Variants in THADA observed in about 807,000 individuals in gnomAD.
THADA encodes the protein THADA armadillo repeat containing.
THADA carries 213 observed loss-of-function variants against 219.8 expected under a neutral mutation model. That is an observed-to-expected ratio of 0.97 (90% CI 0.87 to 1.09). The LOEUF (loss-of-function observed/expected upper bound fraction) is 1.09, where lower values mean the gene tolerates loss of function less well. THADA is among the 50% of genes least tolerant of loss of function. The pLI is 0.00. For missense variants in THADA, 2,956 were observed against 2,311.3 expected, an observed-to-expected ratio of 1.28 and a Z score of -5.72; for synonymous variants, 1,018 against 828.9, an observed-to-expected ratio of 1.23 and a Z score of -3.92.
chr2:43,465,039 A>G (rs1684072735), intron 26 of THADA, among the ~76,000 whole-genome samples: 1 of 152,122 alleles, frequency 6.6e-6, no homozygotes, highest in African/African-American at 2.4e-5. Flanking sequence ...CCCTTAACAT[A>G]TTATAATTTC....
chr2:43,582,019 AG>A (rs1407269458), intron 7 of THADA, 91 bp from the exon 8 acceptor site: 6 of 912,844 alleles, frequency 6.6e-6, no homozygotes, highest in Non-Finnish European at 9.4e-6. Flanking sequence ...CATTCCTCAA[AG>A]GCCCAAAATC....
rs541411462 is a variant in THADA, at chr2:43,368,577, T to G, written c.4228-24340A>C. 2.5e-4 allele frequency among the ~76,000 whole-genome samples: 38 copies of G among 152,046 alleles called. No homozygotes were observed. In the South Asian group the frequency reaches 6.7e-3, roughly 27 times the overall value. Reference sequence around the variant, plus strand: ...CACCATGTCCGGCTATTTTTTTTTTTTGTGGAGACAGGGTCTCACTATGTT... The same window carrying G: ...CACCATGTCCGGCTATTTTTTTTTTGTGTGGAGACAGGGTCTCACTATGTT... On this transcript the variant is annotated intron_variant, in intron 29 of 37. Coordinates refer to ENST00000405975, the MANE Select transcript of THADA (RefSeq NM_022065.5).
In THADA at chr2:43,574,439, T is replaced by A. The variant is rs903828807; in HGVS notation, c.1626A>T (p.Lys542Asn). ...FILCEGNLDQ[K>N]SYVIDYYLPK... ...GCAAGTAATAATCAATCACGTAAGA[T>A]TTTTGATCCAAGTTTCCTTCACACA... Residue 542 changes from lysine to asparagine, a missense_variant, in exon 11 of 38, where the codon AAA becomes AAT. By Grantham distance (94) the Lys-to-Asn change is moderately conservative. Transcript: ENST00000405975. 1 of 1,612,580 alleles carries A rather than the reference T, an allele frequency of 6.2e-7. No individual in the cohort carries two copies. Among genetic ancestry groups the A allele is most frequent in the African/African-American group, 1.3e-5 (1 of 74,936 alleles).
In THADA at chr2:43,498,864, G is replaced by A; in HGVS notation, c.3713C>T (p.Ala1238Val). 6.2e-7 allele frequency: 1 copy of A among 1,612,674 alleles called. No individual in the cohort carries two copies. The highest frequency in any genetic ancestry group is 8.5e-7 in the Non-Finnish European group (1 of 1,179,434). Residue 1238 changes from alanine to valine, a missense_variant, in exon 25 of 38, where the codon GCA becomes GTA. Ala to Val is a moderately conservative substitution (Grantham distance 64, BLOSUM62 0). Coordinates refer to ENST00000405975, the MANE Select transcript of THADA (RefSeq NM_022065.5). ...IPYVADGAKA[A>V]ILGFTSPVWA... is the part of the protein sequence containing the mutation. ...GACCGGTGATGTAAAACCCAGAATTGCAGCCTTAGCTCCATCAGCAACATA... is the reference window on the plus strand; with the variant it reads ...GACCGGTGATGTAAAACCCAGAATTACAGCCTTAGCTCCATCAGCAACATA...
At chr2:43,296,018 C>G (rs930180632) in intron 31 of THADA, among the ~76,000 whole-genome samples, 1 of 150,358 alleles carries the variant, frequency 6.7e-6, no homozygotes, top group Non-Finnish European at 1.5e-5. Context: ...CTCCAGGGTT[C>G]AAGTGATTCT....
chr2:43,450,297 A>G (rs1682148023), intron 26 of THADA, among the ~76,000 whole-genome samples: 1 of 152,216 alleles, frequency 6.6e-6, no homozygotes, highest in East Asian at 1.9e-4. Context: ...AAATAAAACA[A>G]CTACTAATGT....
At chr2:43,389,731 T>C (rs750670309) in intron 29 of THADA, among the ~76,000 whole-genome samples, 3 of 152,150 alleles carry the variant, frequency 2.0e-5, no homozygotes, top group Non-Finnish European at 4.4e-5. Context: ...GCTCATACCA[T>C]GTCCCTTGCC....
At chr2:43,275,907 C>G (rs1672679835) in intron 36 of THADA, among the ~76,000 whole-genome samples, 1 of 152,212 alleles carries the variant, frequency 6.6e-6, no homozygotes, top group African/African-American at 2.4e-5. Flanking sequence ...CACACAGAGG[C>G]CTTTGTTCAA....
intron 26 of THADA, among the ~76,000 whole-genome samples, chr2:43,448,560 CTTT>C (rs71410179): frequency 1.9e-5 from 2 of 103,626 alleles, no homozygotes; most frequent in Non-Finnish European, 3.8e-5. Flanking sequence ...TTCTTCCTTT[CTTT>C]TTTTTTTTTT....
chr2:43,245,505 T>C (rs1165443302), intron 36 of THADA, among the ~76,000 whole-genome samples: 1 of 152,190 alleles, frequency 6.6e-6, no homozygotes, highest in Non-Finnish European at 1.5e-5. Flanking sequence ...TAAGTCTTCT[T>C]GGCCTGAGCT....
At chr2:43,269,653 C>A (rs1359406082) in intron 36 of THADA, among the ~76,000 whole-genome samples, 1 of 152,220 alleles carries the variant, frequency 6.6e-6, no homozygotes, top group East Asian at 1.9e-4. Context: ...TGGGGGCCTA[C>A]CTTGATCAAA....
intron 22 of THADA, among the ~76,000 whole-genome samples, chr2:43,522,091 T>G (rs1373957346): frequency 1.3e-5 from 2 of 152,212 alleles, no homozygotes; most frequent in African/African-American, 4.8e-5. Context: ...CAATCTTTGG[T>G]CAAGTATTAT....
At position 43,574,867 on chromosome 2, in the gene THADA, A is replaced by C; in HGVS notation, c.1198T>G (p.Trp400Gly). ...CTCAGAGCATCCAATGGATGTTCCC[A>C]ATGGGTATAGACATATTCCAAAAGT... ...GRLLEYVYTH[W>G]EHPLDALRHQ... Residue 400 changes from tryptophan to glycine, a missense_variant, in exon 11 of 38, where the codon TGG (tryptophan) becomes GGG (glycine). By Grantham distance (184) the Trp-to-Gly change is radical (BLOSUM62 -2). Transcript: ENST00000405975. The C allele has an allele frequency of 3.1e-6, 5 of 1,614,036 alleles. No homozygotes were observed. Among genetic ancestry groups the C allele is most frequent in the Non-Finnish European group, 4.2e-6 (5 of 1,179,900 alleles).
At chr2:43,301,831 A>G (rs1355147710) in intron 31 of THADA, among the ~76,000 whole-genome samples, 1 of 152,148 alleles carries the variant, frequency 6.6e-6, no homozygotes. Context: ...CTGCAGGTAG[A>G]GTTCGTCAAA....
chr2:43,589,019 G>T (rs1187640832), intron 4 of THADA, among the ~76,000 whole-genome samples: 3 of 152,080 alleles, frequency 2.0e-5, no homozygotes, highest in African/African-American at 7.2e-5. Flanking sequence ...AAAAAGTAAG[G>T]ACTGCTGGTG....
At chr2:43,382,827 A>T (rs1672201829) in intron 29 of THADA, among the ~76,000 whole-genome samples, 1 of 152,220 alleles carries the variant, frequency 6.6e-6, no homozygotes, top group Non-Finnish European at 1.5e-5. Flanking sequence ...AGTTTAGAAG[A>T]TTTAAGTAAC....
In THADA at chr2:43,292,208, G is replaced by C. The variant is rs140468535; in HGVS notation, c.4833C>G (p.Leu1611=). The stretch of plus-strand genomic sequence containing the variant: ...GCCACTCACCAGGGTCCATGCAGTG[G>C]AGAATTTTCAGTATCTGTGTAAGCC... ...PECFCKILKI[L]HCMDPGEWLP... Residue 1611 remains leucine, a synonymous_variant, in exon 33 of 38, where the codon CTC becomes CTG. Transcript: ENST00000405975. 3.1e-6 allele frequency: 5 copies of C among 1,604,714 alleles called. No homozygotes were observed. The highest frequency in any genetic ancestry group is 4.5e-5 in the East Asian group (2 of 44,700).
intron 36 of THADA, among the ~76,000 whole-genome samples, chr2:43,274,464 C>T (rs1199315889): frequency 1.3e-5 from 2 of 152,028 alleles, no homozygotes; most frequent in African/African-American, 4.8e-5. Flanking sequence ...CCACTGTGTA[C>T]CTAATAGAAA....
chr2:43,542,154 A>T (rs1695412304), intron 20 of THADA, among the ~76,000 whole-genome samples: 1 of 152,210 alleles, frequency 6.6e-6, no homozygotes, highest in Non-Finnish European at 1.5e-5. Context: ...ATTATATTAA[A>T]TAAAAGAGCA....
Sources: allele counts gnomAD v4.1 joint callset (sites outside exome capture counted in the v4.1 genomes callset), GRCh38; gene constraint gnomAD v4.1.1; transcripts MANE v1.5; gene names NCBI Gene and HGNC (gene_info 2026-07-23, HGNC 2026-07-21).